Variants in FTCDNL1 observed in about 807,000 individuals in gnomAD.
FTCDNL1 encodes formiminotransferase cyclodeaminase N-terminal like, also known as formiminotransferase N-terminal subdomain-containing protein.
FTCDNL1 carries 11 observed loss-of-function variants against 5.9 expected under a neutral mutation model. The observed-to-expected ratio is 1.87, with a 90% confidence interval of 1.18 to 3.10. The LOEUF is 3.10. FTCDNL1 is among the 30% of genes most tolerant of loss of function. FTCDNL1 has a pLI of 0.00. For synonymous variants in FTCDNL1, 58 were observed against 24.8 expected (o/e 2.34, Z -3.99); for missense variants, 115 against 65.5 (o/e 1.76, Z -2.61).
At chr2:199,759,407 T>G (rs77046548), downstream of FTCDNL1, among the ~76,000 whole-genome samples, 624 of 152,180 alleles carry the variant, frequency 4.1e-3, 4 homozygotes, top group African/African-American at 0.015. Flanking sequence ...GAGATTTGGA[T>G]TCTAGACCAC....
At chr2:199,733,846 T>G in the FTCDNL1 span, among the ~76,000 whole-genome samples, 6 of 152,182 alleles carry the variant, frequency 3.9e-5, no homozygotes, top group African/African-American at 1.4e-4. Flanking sequence ...TTGGGTCTAA[T>G]TTTTTTCATT....
At chr2:199,669,910 G>C in the FTCDNL1 span, among the ~76,000 whole-genome samples, 1 of 152,146 alleles carries the variant, frequency 6.6e-6, no homozygotes, top group Non-Finnish European at 1.5e-5. Context: ...AGTCTTAAGA[G>C]AAAGGCATGT....
chr2:199,732,154 C>G, the FTCDNL1 span, among the ~76,000 whole-genome samples: 1 of 152,158 alleles, frequency 6.6e-6, no homozygotes, highest in Non-Finnish European at 1.5e-5. Context: ...CACTCTCAGC[C>G]TCCTTTTGGC....
the FTCDNL1 span, among the ~76,000 whole-genome samples, chr2:199,669,923 T>C: frequency 2.6e-5 from 4 of 152,174 alleles, no homozygotes; most frequent in Non-Finnish European, 5.9e-5. Context: ...AGGCATGTTA[T>C]AAACCAATAC....
chr2:199,736,298 T>A, the FTCDNL1 span, among the ~76,000 whole-genome samples: 35,866 of 152,106 alleles, frequency 0.24, 4,816 homozygotes, highest in African/African-American at 0.35. Context: ...CAGGTTTTCA[T>A]TTGTCTGCCC....
intron 4 of FTCDNL1, among the ~76,000 whole-genome samples, chr2:199,817,226 A>T (rs2106487904): frequency 6.6e-6 from 1 of 152,358 alleles, no homozygotes; most frequent in Non-Finnish European, 1.5e-5. Flanking sequence ...TAGATCTAGA[A>T]TTCCTGAAAG....
At chr2:199,755,536 A>G in the FTCDNL1 span, among the ~76,000 whole-genome samples, 2 of 152,244 alleles carry the variant, frequency 1.3e-5, no homozygotes, top group Admixed American at 1.3e-4. Flanking sequence ...TTCTAAATCA[A>G]TAAAACATAT....
chr2:199,806,291 G>A (rs140846910), downstream of FTCDNL1, among the ~76,000 whole-genome samples: 238 of 152,176 alleles, frequency 1.6e-3, 2 homozygotes, highest in East Asian at 5.8e-4. Flanking sequence ...AACATACTTC[G>A]GGAGCACGGT....
chr2:199,771,641 TTA>T (rs1404160568), intron 3 of FTCDNL1, among the ~76,000 whole-genome samples: 1 of 152,230 alleles, frequency 6.6e-6, no homozygotes, highest in African/African-American at 2.4e-5. Flanking sequence ...TTTAAATGTA[TTA>T]TTCATGGTCA....
chr2:199,844,676 A>G (rs1174448152), intron 3 of FTCDNL1: 2 of 415,888 alleles, frequency 4.8e-6, no homozygotes, highest in African/African-American at 2.0e-5. Flanking sequence ...AAAATACAAA[A>G]TCTAACCTTT....
At chr2:199,739,753 A>G in the FTCDNL1 span, among the ~76,000 whole-genome samples, 1 of 152,230 alleles carries the variant, frequency 6.6e-6, no homozygotes, top group South Asian at 2.1e-4. Flanking sequence ...ATTATTCACA[A>G]TGAAAATAAC....
chr2:199,748,207 G>A, the FTCDNL1 span, among the ~76,000 whole-genome samples: 1 of 152,146 alleles, frequency 6.6e-6, no homozygotes, highest in African/African-American at 2.4e-5. Context: ...AAACTCATTC[G>A]TCCTGTCCTG....
chr2:199,704,124 C>A, the FTCDNL1 span, among the ~76,000 whole-genome samples: 1 of 152,082 alleles, frequency 6.6e-6, no homozygotes. Flanking sequence ...TTGCCCAAAT[C>A]CTAAGAGGTC....
chr2:199,776,761 A>G (rs56787861), intron 3 of FTCDNL1, among the ~76,000 whole-genome samples: 13,497 of 152,142 alleles, frequency 0.089, 1,047 homozygotes, highest in African/African-American at 0.19. Flanking sequence ...AAAGGTACAG[A>G]AAAGTTTGTT....
intron 3 of FTCDNL1, among the ~76,000 whole-genome samples, chr2:199,770,472 T>G (rs978606855): frequency 1.3e-5 from 2 of 152,220 alleles, no homozygotes; most frequent in Non-Finnish European, 2.9e-5. Flanking sequence ...ATACCAGTTT[T>G]ATGTATCTCA....
At chr2:199,796,002 G>A (rs557591183) in intron 3 of FTCDNL1, among the ~76,000 whole-genome samples, 2 of 152,098 alleles carry the variant, frequency 1.3e-5, no homozygotes, top group African/African-American at 2.4e-5. Context: ...TATGTGGAAA[G>A]GATAGCATGC....
intron 3 of FTCDNL1, among the ~76,000 whole-genome samples, chr2:199,828,591 CCT>C (rs1204318016): frequency 6.6e-6 from 1 of 152,170 alleles, no homozygotes; most frequent in Non-Finnish European, 1.5e-5. Flanking sequence ...TTGTGTCCTC[CCT>C]CTCCGGGAAT....
chr2:199,817,769 G>GA (rs1393202636), intron 4 of FTCDNL1, among the ~76,000 whole-genome samples: 1 of 149,406 alleles, frequency 6.7e-6, no homozygotes, highest in Non-Finnish European at 1.5e-5. Context: ...GTAAGAAAAA[G>GA]AAAAAATCAG....
intron 1 of FTCDNL1, among the ~76,000 whole-genome samples, chr2:199,850,116 G>A (rs899957154): frequency 4.6e-5 from 7 of 152,186 alleles, no homozygotes; most frequent in Non-Finnish European, 1.0e-4. Flanking sequence ...AGAGAGCTCA[G>A]GCTTCGTAGC....
Sources: allele counts gnomAD v4.1 joint callset (sites outside exome capture counted in the v4.1 genomes callset), GRCh38; gene constraint gnomAD v4.1.1; transcripts MANE v1.5; gene names NCBI Gene and HGNC (gene_info 2026-07-23, HGNC 2026-07-21).